ZFAT: variants seen among roughly 807,000 people sequenced by gnomAD.
The protein encoded by ZFAT is zinc finger and AT-hook domain containing, also known as zinc finger protein ZFAT.
A neutral mutation model predicts 117.7 loss-of-function variants in ZFAT; 64 were observed. That is an observed-to-expected ratio of 0.54 (90% CI 0.44 to 0.67). ZFAT has a LOEUF of 0.67. ZFAT is among the 30% of genes least tolerant of loss of function. ZFAT has a pLI of 0.00. For synonymous variants in ZFAT, 679 were observed against 615.0 expected (o/e 1.10, Z -1.54); for missense variants, 1,433 against 1,584.5 (o/e 0.90, Z 1.62).
rs1036303343 is a variant in ZFAT, at chr8:134,653,641, GC to G, written c.196+3919del. ...CATGGGGTGATAGATAAATGAGTTA[GC>G]TTGGCTGTGACTTCACAATGTATAT... On this transcript the variant is annotated intron_variant, in intron 2 of 15. Coordinates refer to ENST00000377838, the MANE Select transcript of ZFAT (RefSeq NM_020863.4). Among the ~76,000 whole-genome samples the G allele has an allele frequency of 1.2e-3, 176 of 152,062 alleles. 2 individuals carry two copies. The highest frequency in any genetic ancestry group is 4.0e-3 in the African/African-American group (167 of 41,490).
At chr8:134,694,963 C>A (rs1833753167) in intron 1 of ZFAT, among the ~76,000 whole-genome samples, 1 of 152,164 alleles carries the variant, frequency 6.6e-6, no homozygotes, top group Non-Finnish European at 1.5e-5. Context: ...CAAAAGACAT[C>A]TCCACATTGG....
chr8:134,802,538 A>G, the ZFAT span, among the ~76,000 whole-genome samples: 1 of 152,230 alleles, frequency 6.6e-6, no homozygotes, highest in East Asian at 1.9e-4. Context: ...CTAACCAAGA[A>G]TATTTGTACA....
chr8:134,800,157 T>A, the ZFAT span, among the ~76,000 whole-genome samples: 5 of 152,206 alleles, frequency 3.3e-5, no homozygotes, highest in African/African-American at 1.2e-4. Context: ...GGCATTCTTT[T>A]GTCCCAATAC....
At chr8:134,505,342 G>T (rs1819320364) in intron 15 of ZFAT, among the ~76,000 whole-genome samples, 1 of 152,212 alleles carries the variant, frequency 6.6e-6, no homozygotes, top group Non-Finnish European at 1.5e-5. Flanking sequence ...CCTCTTGAGA[G>T]CAGGAACAAT....
At chr8:134,621,239 T>C (rs1413186394) in intron 3 of ZFAT, among the ~76,000 whole-genome samples, 4 of 151,446 alleles carry the variant, frequency 2.6e-5, no homozygotes, top group Admixed American at 6.6e-5. Flanking sequence ...CCAGCATTAA[T>C]TCCATCAGCA....
chr8:134,662,259 T>C (rs7819072), intron 1 of ZFAT, among the ~76,000 whole-genome samples: 136,521 of 152,216 alleles, frequency 0.9, 61,520 homozygotes, highest in African/African-American at 0.97. Context: ...CTCCCAAAGG[T>C]CCCACCTGCT....
chr8:134,796,692 C>A, the ZFAT span: 1 of 152,098 alleles, frequency 6.6e-6, no homozygotes, highest in Non-Finnish European at 1.5e-5. Context: ...CTGAAATTTA[C>A]TTTGGCCACA....
At chr8:134,826,532 T>C in the ZFAT span, among the ~76,000 whole-genome samples, 5 of 152,184 alleles carry the variant, frequency 3.3e-5, no homozygotes, top group Admixed American at 1.3e-4. Flanking sequence ...TCCATCTATT[T>C]AAGAGCATGT....
chr8:134,613,787 C>T (rs1828524852), intron 3 of ZFAT, among the ~76,000 whole-genome samples: 1 of 152,182 alleles, frequency 6.6e-6, no homozygotes, highest in African/African-American at 2.4e-5. Context: ...CGCCTCTCTT[C>T]CTCAGCTGGG....
the ZFAT span, among the ~76,000 whole-genome samples, chr8:134,743,857 G>A: frequency 1.5e-4 from 23 of 152,150 alleles, no homozygotes; most frequent in African/African-American, 5.3e-4. Context: ...CTCCACCCAG[G>A]GCTGCCAGAA....
At chr8:134,821,502 G>A in the ZFAT span, among the ~76,000 whole-genome samples, 611 of 151,318 alleles carry the variant, frequency 4.0e-3, 3 homozygotes, top group African/African-American at 0.014. Context: ...TGAGTAGAGC[G>A]ATATAGATGG....
At chr8:134,762,089 C>A in the ZFAT span, among the ~76,000 whole-genome samples, 1 of 151,612 alleles carries the variant, frequency 6.6e-6, no homozygotes, top group African/African-American at 2.4e-5. Flanking sequence ...TGTTTGTGGC[C>A]CATCTTACAA....
chr8:134,809,134 C>G, the ZFAT span, among the ~76,000 whole-genome samples: 1 of 152,218 alleles, frequency 6.6e-6, no homozygotes, highest in East Asian at 1.9e-4. Context: ...AACCAAGCAT[C>G]ATCATATACT....
intron 2 of ZFAT, among the ~76,000 whole-genome samples, chr8:134,653,292 C>CAAAA (rs1261978262): frequency 9.7e-6 from 1 of 102,596 alleles, no homozygotes; most frequent in Non-Finnish European, 2.0e-5. Flanking sequence ...AAAAAAAAAA[C>CAAAA]AAAAAACAGG....
chr8:134,687,692 G>A (rs1467299034), intron 1 of ZFAT, among the ~76,000 whole-genome samples: 1 of 152,028 alleles, frequency 6.6e-6, no homozygotes, highest in Non-Finnish European at 1.5e-5. Flanking sequence ...CTGAAGAGCC[G>A]CCTACCCACA....
chr8:134,821,498 G>C, the ZFAT span, among the ~76,000 whole-genome samples: 245 of 151,368 alleles, frequency 1.6e-3, 2 homozygotes, highest in African/African-American at 5.7e-3. Context: ...GTCATGAGTA[G>C]AGCGATATAG....
chr8:134,533,196 T>C (rs1821563438), intron 11 of ZFAT, among the ~76,000 whole-genome samples: 1 of 152,240 alleles, frequency 6.6e-6, no homozygotes, highest in South Asian at 2.1e-4. Flanking sequence ...AGGAGCTGTC[T>C]CTACTAAGTG....
intron 3 of ZFAT, among the ~76,000 whole-genome samples, chr8:134,613,044 C>T (rs11166624): frequency 0.17 from 25,288 of 152,168 alleles, 2,363 homozygotes; most frequent in Non-Finnish European, 0.22. Flanking sequence ...GTGATACACA[C>T]GCATAAATAA....
At chr8:134,487,264 T>C (rs1817724623) in intron 15 of ZFAT, among the ~76,000 whole-genome samples, 1 of 152,204 alleles carries the variant, frequency 6.6e-6, no homozygotes, top group Non-Finnish European at 1.5e-5. Flanking sequence ...TTCTCTTCTG[T>C]AGCCTGTGAC....
Sources: allele counts gnomAD v4.1 joint callset (sites outside exome capture counted in the v4.1 genomes callset), GRCh38; gene constraint gnomAD v4.1.1; transcripts MANE v1.5; gene names NCBI Gene and HGNC (gene_info 2026-07-23, HGNC 2026-07-21).